GRIA4: variants seen among roughly 807,000 people sequenced by gnomAD.
GRIA4 encodes the protein glutamate receptor 4.
In GRIA4, 34 loss-of-function variants were observed where a neutral mutation model predicts 104.0. The observed-to-expected ratio is 0.33, with a 90% CI of 0.25 to 0.44. GRIA4 has a LOEUF of 0.44. Among genes scored for constraint, GRIA4 ranks in the 20% least tolerant of loss-of-function variants. GRIA4 has a pLI of 1.00. For synonymous variants in GRIA4, 386 were observed against 381.9 expected (o/e 1.01, Z -0.13); for missense variants, 750 against 1,096.5 (o/e 0.68, Z 4.46).
At chr11:105,762,331 T>G (rs1226615347) in intron 4 of GRIA4, among the ~76,000 whole-genome samples, 2 of 152,154 alleles carry the variant, frequency 1.3e-5, no homozygotes, top group Middle Eastern at 3.2e-3. Context: ...GCCTGAGAAG[T>G]CTTAATAGTT....
intron 14 of GRIA4, among the ~76,000 whole-genome samples, chr11:105,938,140 T>G (rs1948094505): frequency 6.6e-6 from 1 of 152,232 alleles, no homozygotes; most frequent in South Asian, 2.1e-4. Flanking sequence ...TTCTTCCACT[T>G]TAGAGAATTT....
intron 3 of GRIA4, among the ~76,000 whole-genome samples, chr11:105,684,880 C>CTTAAGTAAG (rs1952825454): frequency 6.6e-6 from 1 of 151,704 alleles, no homozygotes; most frequent in Non-Finnish European, 1.5e-5. Flanking sequence ...GCCTTACTAA[C>CTTAAGTAAG]TTACATTGTA....
At chr11:105,756,366 T>C (rs1405936355) in intron 4 of GRIA4, among the ~76,000 whole-genome samples, 3 of 152,180 alleles carry the variant, frequency 2.0e-5, no homozygotes, top group East Asian at 1.9e-4. Flanking sequence ...ACAAGCACCG[T>C]TCTTTTCCTC....
At chr11:105,716,278 A>G (rs921484228) in intron 3 of GRIA4, among the ~76,000 whole-genome samples, 10 of 152,186 alleles carry the variant, frequency 6.6e-5, no homozygotes, top group Non-Finnish European at 1.3e-4. Context: ...AAATTTTGCA[A>G]TAACACAGAA....
chr11:105,803,320 T>C (rs1942801377), intron 4 of GRIA4, among the ~76,000 whole-genome samples: 1 of 151,988 alleles, frequency 6.6e-6, no homozygotes, highest in Non-Finnish European at 1.5e-5. Flanking sequence ...ACTGCAGCTC[T>C]GAGAATTTAG....
chr11:105,968,976 C>T (rs1858539966), intron 14 of GRIA4, among the ~76,000 whole-genome samples: 1 of 152,296 alleles, frequency 6.6e-6, no homozygotes, highest in South Asian at 2.1e-4. Context: ...ATTACAGTTA[C>T]AAAATTATTT....
intron 6 of GRIA4, among the ~76,000 whole-genome samples, chr11:105,888,201 A>G (rs1359248733): frequency 6.7e-6 from 1 of 148,516 alleles, no homozygotes; most frequent in Non-Finnish European, 1.5e-5. Context: ...GCTTTATTAT[A>G]GAGTACCATT....
At chr11:105,637,044 G>A (rs1951223458) in intron 3 of GRIA4, among the ~76,000 whole-genome samples, 1 of 152,204 alleles carries the variant, frequency 6.6e-6, no homozygotes. Context: ...GTAGGGGACA[G>A]AGAAGAATTT....
At chr11:105,932,614 A>G (rs1947915050) in intron 13 of GRIA4, among the ~76,000 whole-genome samples, 1 of 152,196 alleles carries the variant, frequency 6.6e-6, no homozygotes, top group Non-Finnish European at 1.5e-5. Context: ...GCTCAAGTAG[A>G]CAGAAGTAAT....
chr11:105,782,284 CTATCGAGA>C (rs1489415606), intron 4 of GRIA4, among the ~76,000 whole-genome samples: 6 of 152,164 alleles, frequency 3.9e-5, no homozygotes, highest in Non-Finnish European at 8.8e-5. Flanking sequence ...AATGTGCAAC[CTATCGAGA>C]TATGTTTGGT....
rs374496266 is a variant in GRIA4, at chr11:105,907,166, T to C, written c.1158+1865T>C. ...TAGTACTGAATCTTTTCATAGCCTA[T>C]TGAACCATGATGGTAACAAAAATTA... On this transcript the variant is annotated intron_variant, in intron 9 of 16. Coordinates refer to ENST00000282499, the MANE Select transcript of GRIA4 (RefSeq NM_000829.4). Among the ~76,000 whole-genome samples, 296 of 152,272 alleles carry C rather than the reference T, an allele frequency of 1.9e-3. 3 individuals carry two copies. The highest frequency in any genetic ancestry group is 6.8e-3 in the African/African-American group (282 of 41,558).
chr11:105,974,245 T>C, intron 15 of GRIA4, 65 bp from the exon 16 acceptor site: 1 of 1,500,308 alleles, frequency 6.7e-7, no homozygotes, highest in Non-Finnish European at 9.1e-7. Context: ...TTGGATTTCA[T>C]GTGTTCTTTT....
chr11:105,958,142 CA>C (rs1490815085), intron 14 of GRIA4, among the ~76,000 whole-genome samples: 4 of 152,170 alleles, frequency 2.6e-5, no homozygotes, highest in Non-Finnish European at 5.9e-5. Flanking sequence ...GAACTTCCAA[CA>C]CTATGTTGAA....
chr11:105,886,685 G>A (rs1424157774), intron 5 of GRIA4, among the ~76,000 whole-genome samples: 2 of 151,954 alleles, frequency 1.3e-5, no homozygotes, highest in East Asian at 3.9e-4. Flanking sequence ...GAAAATTGTG[G>A]CTTTCACTGT....
Position 105,742,604 on chromosome 11 carries a change from A to ATGTGTGTG in GRIA4, c.248-10369_248-10362dup, listed in dbSNP as rs5794424. Among the ~76,000 whole-genome samples the ATGTGTGTG allele has an allele frequency of 1.8e-3, 275 of 151,132 alleles. 5 individuals are homozygous for ATGTGTGTG. The East Asian group carries it at 0.042, about 23-fold the overall frequency. On this transcript the variant is annotated intron_variant, in intron 3 of 16. Coordinates refer to ENST00000282499, the MANE Select transcript of GRIA4 (RefSeq NM_000829.4). ...TATACAAGTGTGAGTATATATATAT[A>ATGTGTGTG]TGTGTGTGTGTGTGTATGTATATAT...
At chr11:105,646,169 A>G (rs1000678653) in intron 3 of GRIA4, among the ~76,000 whole-genome samples, 2 of 152,244 alleles carry the variant, frequency 1.3e-5, no homozygotes, top group African/African-American at 2.4e-5. Flanking sequence ...AATTTGGAAC[A>G]TAAGTCACCT....
chr11:105,677,577 C>T (rs1952578835), intron 3 of GRIA4, among the ~76,000 whole-genome samples: 1 of 151,822 alleles, frequency 6.6e-6, no homozygotes, highest in Admixed American at 6.6e-5. Flanking sequence ...AAACTTAAAT[C>T]AGAATCTGAG....
rs1230100856 is a variant in GRIA4 at position 105,895,026 on chromosome 11, C to T, written c.727-3243C>T. ...TTGTTAGCCAGGATGGTCTCGATCTCCTGACCTCATGATCCACCCGCCTCG... is the reference window on the plus strand; with the variant it reads ...TTGTTAGCCAGGATGGTCTCGATCTTCTGACCTCATGATCCACCCGCCTCG... On this transcript the variant is annotated intron_variant, in intron 6 of 16. Coordinates refer to ENST00000282499, the MANE Select transcript of GRIA4 (RefSeq NM_000829.4). Among the ~76,000 whole-genome samples the T allele has an allele frequency of 1.9e-5, 2 of 103,954 alleles. 1 individual carries two copies. The highest frequency in any genetic ancestry group is 7.0e-5 in the African/African-American group (2 of 28,456). The allele number at this position is 103,954 out of a possible 152,430, so 68.2% of individuals were successfully genotyped here.
intron 5 of GRIA4, among the ~76,000 whole-genome samples, chr11:105,887,119 C>G (rs1471439548): frequency 6.6e-6 from 1 of 152,096 alleles, no homozygotes. Flanking sequence ...CCTATTAAGA[C>G]ACCAAGCAGC....
Sources: gnomAD v4.1 joint callset for allele counts (sites outside exome capture counted in the v4.1 genomes callset) on GRCh38, gnomAD v4.1.1 for gene constraint, MANE v1.5 for transcripts, NCBI Gene and HGNC (gene_info 2026-07-23, HGNC 2026-07-21) for gene names.